The following PASD1 variants were observed in gnomAD, a reference collection of about 807,000 sequenced individuals.
PASD1 encodes the protein circadian clock protein PASD1.
PASD1 carries 13 observed loss-of-function variants against 58.8 expected under a neutral mutation model. The ratio of observed to expected loss-of-function variants is 0.22; its 90% CI spans 0.14 to 0.35. The LOEUF is 0.35. Ranked by LOEUF, PASD1 falls within the 10% of genes least tolerant of loss-of-function variation. The probability of loss-of-function intolerance (pLI) is 1.00; values close to 1 mark genes in which losing one functional copy is unlikely to be tolerated. For missense variants in PASD1, 734 were observed against 568.3 expected, an observed-to-expected ratio of 1.29 and a Z score of -2.96; for synonymous variants, 236 against 216.7, an observed-to-expected ratio of 1.09 and a Z score of -0.78.
At chrX:151,592,581 G>T (rs536720435) in intron 1 of PASD1, among the ~76,000 whole-genome samples, 4 of 111,823 alleles carry the variant, frequency 3.6e-5, no homozygotes, top group Middle Eastern at 9.3e-3. Context: ...AATTTTTATA[G>T]TAAATCATTT....
chrX:151,605,156 C>T, intron 3 of PASD1, among the ~76,000 whole-genome samples: 2 of 111,559 alleles, frequency 1.8e-5, no homozygotes, highest in Middle Eastern at 4.7e-3. Flanking sequence ...TTTCACAAGC[C>T]ACAAACTGCA....
chrX:151,643,310 GA>G (rs2014019477), intron 8 of PASD1, among the ~76,000 whole-genome samples: 1 of 111,459 alleles, frequency 9.0e-6, no homozygotes, highest in Non-Finnish European at 1.9e-5. Context: ...AGTTGGTCAA[GA>G]TTGCATCCTT....
At chrX:151,638,438 TAAA>T (rs74857824) in intron 8 of PASD1, among the ~76,000 whole-genome samples, 1 of 90,706 alleles carries the variant, frequency 1.1e-5, no homozygotes. Flanking sequence ...GAACTTAAAG[TAAA>T]AAAAAAAAAA....
chrX:151,591,948 A>G (rs2013256604), intron 1 of PASD1, among the ~76,000 whole-genome samples: 1 of 111,834 alleles, frequency 8.9e-6, no homozygotes, highest in Non-Finnish European at 1.9e-5. Context: ...AAAACTTCAA[A>G]ATTTTAATGC....
rs1274847856 is a variant in PASD1, at chrX:151,676,297, ATTGT to A, written c.*160_*163del. The stretch of plus-strand genomic sequence containing the variant: ...TGTTTCCTGATAGGTTATGTTTGTA[ATTGT>A]TTGTTAAGCACAGCCTGTTTCTTGG... On this transcript the variant is annotated 3_prime_UTR_variant, in exon 16 of 16. Coordinates refer to ENST00000370357, the MANE Select transcript of PASD1 (RefSeq NM_173493.3). The A allele has an allele frequency of 8.9e-6, 5 of 559,023 alleles. No homozygotes were observed. Among genetic ancestry groups the A allele is most frequent in the East Asian group, 3.8e-5 (1 of 26,324 alleles). 46.1% of individuals were successfully genotyped at this position (559,023 alleles called of 1,213,427 possible).
In PASD1 at chrX:151,600,893, A is replaced by G. The variant is rs186691087; in HGVS notation, c.-27-634A>G. 1.1e-3 allele frequency among the ~76,000 whole-genome samples: 125 copies of G among 112,079 alleles called. 1 individual carries two copies. Among genetic ancestry groups the G allele is most frequent in the Admixed American group, 0.011 (112 of 10,587 alleles). Reference sequence around the variant, plus strand: ...ATTTAAAGGATGTTTGCTATATTTTAATCACTTTTTTGTAACACATATGTA... The same window carrying G: ...ATTTAAAGGATGTTTGCTATATTTTGATCACTTTTTTGTAACACATATGTA... On this transcript the variant is annotated intron_variant, in intron 1 of 15. Coordinates refer to ENST00000370357, the MANE Select transcript of PASD1 (RefSeq NM_173493.3).
intron 10 of PASD1, among the ~76,000 whole-genome samples, chrX:151,661,087 G>A (rs2014303601): frequency 9.0e-6 from 1 of 110,617 alleles, no homozygotes; most frequent in East Asian, 2.8e-4. Flanking sequence ...CTCGGGAGGC[G>A]GGGCTTGCAG....
chrX:151,628,028 CT>C (rs1185854999), intron 8 of PASD1, among the ~76,000 whole-genome samples: 1 of 111,571 alleles, frequency 9.0e-6, no homozygotes, highest in East Asian at 2.8e-4. Flanking sequence ...TGTTCATATC[CT>C]TCGCCCACTT....
At chrX:151,612,661 G>T (rs1204557766) in intron 4 of PASD1, among the ~76,000 whole-genome samples, 2 of 111,005 alleles carry the variant, frequency 1.8e-5, no homozygotes, top group Non-Finnish European at 3.8e-5. Flanking sequence ...TGTTGATGGG[G>T]CTGTTTGTTT....
In PASD1 at chrX:151,671,021, G is replaced by T; in HGVS notation, c.1072-17G>T. 1 of 1,205,630 alleles carries T rather than the reference G, an allele frequency of 8.3e-7. No homozygotes were observed. The highest frequency in any genetic ancestry group is 1.1e-6 in the Non-Finnish European group (1 of 892,152). ...CAGTGTTGCTATACATGAACCATAA[G>T]TAATTCCTCCCCACAGCCATTACAG... is the stretch of plus-strand genomic sequence containing the variant. On this transcript the variant is annotated splice_polypyrimidine_tract_variant and intron_variant, in intron 11 of 15. Transcript: ENST00000370357.
intron 4 of PASD1, among the ~76,000 whole-genome samples, chrX:151,618,767 T>A (rs2013669318): frequency 9.0e-6 from 1 of 111,438 alleles, no homozygotes; most frequent in African/African-American, 3.3e-5. Flanking sequence ...GGAGTTAGTT[T>A]AAGGGCTCTG....
chrX:151,667,514 G>C (rs1475892034), intron 11 of PASD1, among the ~76,000 whole-genome samples: 3 of 112,172 alleles, frequency 2.7e-5, no homozygotes, highest in African/African-American at 9.7e-5. Context: ...GTGGTTTTAC[G>C]TCTAACATTT....
intron 1 of PASD1, among the ~76,000 whole-genome samples, chrX:151,580,343 C>T (rs964785489): frequency 1.2e-4 from 13 of 111,127 alleles, no homozygotes; most frequent in East Asian, 2.8e-4. Flanking sequence ...AGGACTCTTC[C>T]GGAAAGATGT....
At chrX:151,626,924 G>T in intron 8 of PASD1, among the ~76,000 whole-genome samples, 1 of 111,822 alleles carries the variant, frequency 8.9e-6, no homozygotes, top group Non-Finnish European at 1.9e-5. Context: ...CATCAGAAGA[G>T]TACAGAGGTG....
chrX:151,671,518 C>T, intron 12 of PASD1, 55 bp from the exon 13 acceptor site: 2 of 1,166,122 alleles, frequency 1.7e-6, no homozygotes, highest in Non-Finnish European at 2.3e-6. Context: ...TGTCTTATGC[C>T]TTAAGGAAAG....
intron 7 of PASD1, among the ~76,000 whole-genome samples, chrX:151,624,345 T>C (rs368240902): frequency 9.0e-6 from 1 of 110,939 alleles, no homozygotes; most frequent in Admixed American, 9.6e-5. Context: ...GATCAGGCAG[T>C]GTGGGAGGCT....
rs370434395 is a variant in PASD1 at position 151,587,655 on chromosome X, T to G, written c.-27-13872T>G. Among the ~76,000 whole-genome samples the G allele has an allele frequency of 3.6e-5, 4 of 111,599 alleles. No individual in the cohort carries two copies. The South Asian group carries it at 1.5e-3, about 42-fold the overall frequency. On this transcript the variant is annotated intron_variant, in intron 1 of 15. Transcript: ENST00000370357. ...CTATGCTTGTGCAGTGAGAGCTTAC[T>G]GAAAGAACTAAGGTTAGAGAAAAGC...
chrX:151,616,335 T>C (rs1460056112), intron 4 of PASD1, among the ~76,000 whole-genome samples: 3 of 110,955 alleles, frequency 2.7e-5, no homozygotes, highest in Admixed American at 9.6e-5. Flanking sequence ...ATAAGTTGTT[T>C]TGCTGATGTA....
intron 9 of PASD1, among the ~76,000 whole-genome samples, chrX:151,649,523 G>A (rs1192459144): frequency 9.0e-6 from 1 of 111,704 alleles, no homozygotes; most frequent in Non-Finnish European, 1.9e-5. Flanking sequence ...ACCTCATGGG[G>A]ATATAATAAT....
Sources: gnomAD v4.1 joint callset for allele counts (sites outside exome capture counted in the v4.1 genomes callset) on GRCh38, gnomAD v4.1.1 for gene constraint, MANE v1.5 for transcripts, NCBI Gene and HGNC (gene_info 2026-07-23, HGNC 2026-07-21) for gene names.